SYNPO2: variants seen among roughly 807,000 people sequenced by gnomAD.
SYNPO2 encodes the protein synaptopodin 2.
In SYNPO2, 56 loss-of-function variants were observed where a neutral mutation model predicts 85.0. The observed-to-expected ratio is 0.66, with a 90% CI of 0.53 to 0.82. The LOEUF is 0.82. SYNPO2 is among the 40% of genes least tolerant of loss of function. The probability of loss-of-function intolerance (pLI) is 0.00; values close to 1 mark genes in which losing one functional copy is unlikely to be tolerated. For synonymous variants in SYNPO2, 602 were observed against 591.1 expected (o/e 1.02, Z -0.27); for missense variants, 1,575 against 1,534.2 (o/e 1.03, Z -0.44).
chr4:119,052,882 A>G (rs1739096623), intron 4 of SYNPO2, among the ~76,000 whole-genome samples: 1 of 152,206 alleles, frequency 6.6e-6, no homozygotes, highest in Admixed American at 6.5e-5. Context: ...TTTATTAAAT[A>G]AAGTTTAAAA....
rs770667582 is a variant in SYNPO2 at position 119,023,550 on chromosome 4, A to G, written c.226A>G (p.Ile76Val). ...TGAAGTCATCAAGCTCATGGAAAGC[A>G]TAACAGACTCTCTCCAAATGCTCAT... ...YPEVIKLMESITDSLQMLIKR... is the reference protein window; with the variant it reads ...YPEVIKLMESVTDSLQMLIKR... Residue 76 changes from isoleucine (I) to valine (V), a missense_variant, in exon 2 of 5, where the codon ATA becomes GTA. Ile to Val is a conservative substitution (Grantham distance 29). Around this residue, in one of 3 missense-constraint regions of SYNPO2, gnomAD observed 1,508 missense variants for 1,446.8 expected, o/e 1.04. Transcript: ENST00000307142. The G allele has an allele frequency of 1.2e-6, 2 of 1,613,590 alleles. No individual in the cohort carries two copies. The highest frequency in any genetic ancestry group is 1.1e-5 in the South Asian group (1 of 91,000).
intron 1 of SYNPO2, among the ~76,000 whole-genome samples, chr4:118,900,741 GTCTA>G (rs200026031): frequency 0.063 from 5,390 of 86,000 alleles, 259 homozygotes; most frequent in African/African-American, 0.13. Flanking sequence ...ATGTCTGTCT[GTCTA>G]TCTATCTATC....
intron 4 of SYNPO2, among the ~76,000 whole-genome samples, chr4:119,054,713 A>T (rs1739158980): frequency 6.6e-6 from 1 of 152,144 alleles, no homozygotes; most frequent in Non-Finnish European, 1.5e-5. Context: ...AAAAAGCAAC[A>T]TTCCACTGGT....
intron 1 of SYNPO2, among the ~76,000 whole-genome samples, chr4:118,870,132 G>T (rs909388490): frequency 2.0e-5 from 3 of 152,212 alleles, no homozygotes; most frequent in African/African-American, 7.2e-5. Flanking sequence ...CTCAGTGGTT[G>T]CTGTTTTACT....
chr4:119,019,112 C>G (rs1000235127), intron 1 of SYNPO2, among the ~76,000 whole-genome samples: 44 of 152,156 alleles, frequency 2.9e-4, no homozygotes, highest in African/African-American at 9.9e-4. Flanking sequence ...CTTTTGGGTA[C>G]TGGGCTTAAT....
chr4:118,911,875 T>C (rs1449880470), intron 1 of SYNPO2, among the ~76,000 whole-genome samples: 1 of 152,034 alleles, frequency 6.6e-6, no homozygotes, highest in African/African-American at 2.4e-5. Flanking sequence ...ACTTATACAG[T>C]AAAGAGAAAT....
chr4:118,885,687 G>A (rs914715944), upstream of SYNPO2, among the ~76,000 whole-genome samples: 3 of 152,098 alleles, frequency 2.0e-5, no homozygotes, highest in Non-Finnish European at 4.4e-5. Context: ...TGGCCAGGCT[G>A]GTCTTGAGCT....
chr4:118,879,921 T>C (rs1210003642), intron 1 of SYNPO2, among the ~76,000 whole-genome samples: 1 of 151,906 alleles, frequency 6.6e-6, no homozygotes, highest in Non-Finnish European at 1.5e-5. Flanking sequence ...GTCAGCAGCA[T>C]GGAGGTCTGC....
intron 4 of SYNPO2, among the ~76,000 whole-genome samples, chr4:119,051,099 G>T (rs1392729123): frequency 6.6e-6 from 1 of 151,840 alleles, no homozygotes; most frequent in East Asian, 1.9e-4. Flanking sequence ...GGAAGAAACT[G>T]GGAATGTATG....
chr4:118,914,478 G>A (rs759102753), intron 1 of SYNPO2, among the ~76,000 whole-genome samples: 4 of 152,074 alleles, frequency 2.6e-5, no homozygotes, highest in Non-Finnish European at 5.9e-5. Context: ...AAGAGGATAA[G>A]TATTTCTGGT....
chr4:119,007,083 CA>C (rs1253488669), intron 1 of SYNPO2, among the ~76,000 whole-genome samples: 1 of 150,264 alleles, frequency 6.7e-6, no homozygotes, highest in Non-Finnish European at 1.5e-5. Context: ...TCTCTAACTT[CA>C]AGAGGCTTAC....
intron 1 of SYNPO2, among the ~76,000 whole-genome samples, chr4:118,877,257 C>A (rs983820929): frequency 3.9e-5 from 6 of 152,080 alleles, no homozygotes; most frequent in Non-Finnish European, 8.8e-5. Context: ...ACTATAAAAA[C>A]CCTGGAAGAT....
intron 1 of SYNPO2, among the ~76,000 whole-genome samples, chr4:118,853,571 A>G (rs1182453736): frequency 6.6e-6 from 1 of 152,096 alleles, no homozygotes; most frequent in African/African-American, 2.4e-5. Context: ...TCTCTAGTTT[A>G]GAACTTTTCT....
At chr4:119,029,807 T>G in intron 3 of SYNPO2, 38 bp from the exon 4 acceptor site, 1 of 1,501,888 alleles carries the variant, frequency 6.7e-7, no homozygotes, top group Non-Finnish European at 8.8e-7. Flanking sequence ...CTTGAACTCA[T>G]CAGCTCAATA....
At chr4:118,860,562 GTT>G (rs34881544) in intron 1 of SYNPO2, among the ~76,000 whole-genome samples, 10 of 100,698 alleles carry the variant, frequency 9.9e-5, no homozygotes, top group Admixed American at 1.7e-4. Context: ...CTTTTTTTTT[GTT>G]TTTTTTTTTT....
intron 1 of SYNPO2, among the ~76,000 whole-genome samples, chr4:118,971,983 G>A (rs762142120): frequency 9.9e-5 from 15 of 152,146 alleles, no homozygotes; most frequent in Admixed American, 2.6e-4. Context: ...CCCAGTGAGC[G>A]TCATAGTACT....
intron 1 of SYNPO2, among the ~76,000 whole-genome samples, chr4:118,891,361 C>A (rs1732375369): frequency 6.6e-6 from 1 of 152,178 alleles, no homozygotes; most frequent in South Asian, 2.1e-4. Flanking sequence ...GAGAGAGAGA[C>A]AGACTGTAGT....
chr4:118,989,639 A>G (rs1016073178), intron 1 of SYNPO2, among the ~76,000 whole-genome samples: 9 of 152,272 alleles, frequency 5.9e-5, no homozygotes, highest in Admixed American at 5.9e-4. Flanking sequence ...GGAATGTGTC[A>G]TATAGTCATG....
At chr4:118,948,343 C>G (rs1039665618) in intron 1 of SYNPO2, among the ~76,000 whole-genome samples, 45 of 152,178 alleles carry the variant, frequency 3.0e-4, no homozygotes, top group African/African-American at 9.6e-4. Flanking sequence ...CAACCATTTT[C>G]TGAGTCTACA....
Sources: gnomAD v4.1 joint callset for allele counts (sites outside exome capture counted in the v4.1 genomes callset) on GRCh38, gnomAD v4.1.1 for gene constraint, gnomAD v4.1.1 regional missense constraint, MANE v1.5 for transcripts, NCBI Gene and HGNC (gene_info 2026-07-23, HGNC 2026-07-21) for gene names.